SEMA6D: variants seen among roughly 807,000 people sequenced by gnomAD.
The protein encoded by SEMA6D is semaphorin-6D.
A neutral mutation model predicts 106.6 loss-of-function variants in SEMA6D; 35 were observed. The observed-to-expected ratio is 0.33, with a 90% CI of 0.25 to 0.44. The LOEUF (loss-of-function observed/expected upper bound fraction) is 0.44, where lower values mean the gene tolerates loss of function less well. SEMA6D is among the 20% of genes least tolerant of loss of function. The pLI, the probability that SEMA6D is intolerant of heterozygous loss-of-function variation, is 1.00. For missense variants in SEMA6D, 1,185 were observed against 1,345.9 expected, an observed-to-expected ratio of 0.88 and a Z score of 1.87; for synonymous variants, 499 against 487.7, an observed-to-expected ratio of 1.02 and a Z score of -0.31.
upstream of SEMA6D, among the ~76,000 whole-genome samples, chr15:47,714,881 A>G (rs1026283332): frequency 6.6e-6 from 1 of 152,370 alleles, no homozygotes; most frequent in Non-Finnish European, 1.5e-5. Context: ...TTGGGCGTCC[A>G]TTAAATGCCA....
chr15:47,413,128 G>C (rs1361520030), intron 2 of SEMA6D, among the ~76,000 whole-genome samples: 1 of 152,104 alleles, frequency 6.6e-6, no homozygotes, highest in Non-Finnish European at 1.5e-5. Flanking sequence ...GTGTGTATGT[G>C]TATTTACATA....
In SEMA6D at chr15:47,744,344, A is replaced by G. The variant is rs146182085; in HGVS notation, c.-54-15401A>G. ...AATCCCCACCCACACACAGAAGTTTATTAAATATCAGCTGCAAAGCACATT... is the reference window on the plus strand; with the variant it reads ...AATCCCCACCCACACACAGAAGTTTGTTAAATATCAGCTGCAAAGCACATT... On this transcript the variant is annotated intron_variant, in intron 1 of 18. Transcript: ENST00000536845. Among the ~76,000 whole-genome samples, 4 of 152,288 alleles carry G rather than the reference A, an allele frequency of 2.6e-5. No individual in the cohort carries two copies. The East Asian group carries it at 7.7e-4, about 29-fold the overall frequency.
chr15:47,610,817 G>A (rs1297264453), intron 4 of SEMA6D, among the ~76,000 whole-genome samples: 4 of 152,172 alleles, frequency 2.6e-5, no homozygotes, highest in Non-Finnish European at 2.9e-5. Flanking sequence ...CAACATGATT[G>A]TTTCCAAAGT....
At chr15:47,229,876 T>C (rs1165180636) in intron 1 of SEMA6D, among the ~76,000 whole-genome samples, 1 of 152,112 alleles carries the variant, frequency 6.6e-6, no homozygotes, top group African/African-American at 2.4e-5. Flanking sequence ...TTGGTCAAAG[T>C]CTGCTTTGGT....
intron 1 of SEMA6D, among the ~76,000 whole-genome samples, chr15:47,372,613 A>G (rs191173462): frequency 6.6e-4 from 100 of 152,094 alleles, no homozygotes; most frequent in African/African-American, 2.1e-3. Context: ...CCTTTGGTAC[A>G]CTCTTTCCCA....
chr15:47,282,205 C>T (rs1411298432), intron 1 of SEMA6D, among the ~76,000 whole-genome samples: 1 of 152,102 alleles, frequency 6.6e-6, no homozygotes, highest in Non-Finnish European at 1.5e-5. Context: ...TTATCAACTC[C>T]ACTTTGTCAT....
At chr15:47,252,992 G>C (rs1184724116) in intron 1 of SEMA6D, among the ~76,000 whole-genome samples, 3 of 151,890 alleles carry the variant, frequency 2.0e-5, no homozygotes, top group Non-Finnish European at 2.9e-5. Context: ...CATAATGGCT[G>C]TATTAATCTA....
chr15:47,574,777 C>T (rs980054032), intron 3 of SEMA6D, among the ~76,000 whole-genome samples: 3 of 152,176 alleles, frequency 2.0e-5, no homozygotes, highest in Non-Finnish European at 4.4e-5. Flanking sequence ...TGACTAAGAT[C>T]TCAGTTCTTT....
At chr15:47,287,221 G>A (rs563200554) in intron 1 of SEMA6D, among the ~76,000 whole-genome samples, 315 of 152,330 alleles carry the variant, frequency 2.1e-3, no homozygotes, top group African/African-American at 7.2e-3. Flanking sequence ...TTGAGTTCCT[G>A]TGTACGGAAG....
intron 1 of SEMA6D, among the ~76,000 whole-genome samples, chr15:47,279,434 A>T (rs1171364936): frequency 1.4e-5 from 2 of 145,388 alleles, no homozygotes; most frequent in South Asian, 2.3e-4. Flanking sequence ...GGGCTGAGAC[A>T]ATGGGGTTTT....
chr15:47,658,221 T>A (rs1192672950), intron 4 of SEMA6D, among the ~76,000 whole-genome samples: 2 of 152,182 alleles, frequency 1.3e-5, no homozygotes, highest in African/African-American at 2.4e-5. Flanking sequence ...TCAATACCTC[T>A]TAATAATTTC....
At chr15:47,676,659 T>C (rs1424321741) in intron 4 of SEMA6D, among the ~76,000 whole-genome samples, 1 of 152,206 alleles carries the variant, frequency 6.6e-6, no homozygotes, top group African/African-American at 2.4e-5. Flanking sequence ...AATAGTTTAC[T>C]CAGCAAGAAA....
At chr15:47,294,946 T>G (rs1214895673) in intron 1 of SEMA6D, among the ~76,000 whole-genome samples, 1 of 152,240 alleles carries the variant, frequency 6.6e-6, no homozygotes, top group Non-Finnish European at 1.5e-5. Context: ...TTAGTTCTCT[T>G]GTGCAATATT....
At chr15:47,639,000 T>TC (rs2077442484) in intron 4 of SEMA6D, among the ~76,000 whole-genome samples, 1 of 152,210 alleles carries the variant, frequency 6.6e-6, no homozygotes, top group African/African-American at 2.4e-5. Context: ...TCCTCTCACA[T>TC]CCGTGCACTA....
intron 1 of SEMA6D, among the ~76,000 whole-genome samples, chr15:47,201,319 G>T (rs1894713188): frequency 6.6e-6 from 1 of 152,096 alleles, no homozygotes; most frequent in Non-Finnish European, 1.5e-5. Flanking sequence ...TGGGTCTGTT[G>T]TACTGAGCCC....
chr15:47,202,524 A>ACAC (rs1894790046), intron 1 of SEMA6D, among the ~76,000 whole-genome samples: 1 of 152,138 alleles, frequency 6.6e-6, no homozygotes, highest in Non-Finnish European at 1.5e-5. Flanking sequence ...GCACATATGG[A>ACAC]CACCACGCCT....
At chr15:47,762,514 C>G (rs2082115144) in intron 8 of SEMA6D, among the ~76,000 whole-genome samples, 195 bp downstream of exon 8, 1 of 151,934 alleles carries the variant, frequency 6.6e-6, no homozygotes, top group Admixed American at 6.6e-5. Context: ...AGAGTAAGTT[C>G]ATCCAGGTGT....
chr15:47,223,545 A>AT (rs1391203011), intron 1 of SEMA6D, among the ~76,000 whole-genome samples: 8 of 151,728 alleles, frequency 5.3e-5, no homozygotes, highest in African/African-American at 1.7e-4. Flanking sequence ...ACTGTGCTTC[A>AT]TATGGACAGT....
At chr15:47,513,587 A>G (rs751484574) in intron 3 of SEMA6D, among the ~76,000 whole-genome samples, 5 of 152,186 alleles carry the variant, frequency 3.3e-5, no homozygotes, top group Non-Finnish European at 5.9e-5. Context: ...GCAGTTACAG[A>G]AAAGAAGGGT....
Sources: gnomAD v4.1 joint callset for allele counts (sites outside exome capture counted in the v4.1 genomes callset) on GRCh38, gnomAD v4.1.1 for gene constraint, MANE v1.5 for transcripts, NCBI Gene and HGNC (gene_info 2026-07-23, HGNC 2026-07-21) for gene names.